MAD1L1: variants seen among roughly 807,000 people sequenced by gnomAD.
MAD1L1 encodes the protein mitotic spindle assembly checkpoint protein MAD1.
MAD1L1 carries 95 observed loss-of-function variants against 96.9 expected under a neutral mutation model. That is an observed-to-expected ratio of 0.98 (90% CI 0.83 to 1.16). MAD1L1 has a LOEUF of 1.16. MAD1L1 is among the 50% of genes most tolerant of loss of function. The pLI, the probability that MAD1L1 is intolerant of heterozygous loss-of-function variation, is 0.00. For missense variants in MAD1L1, 1,007 were observed against 954.4 expected (o/e 1.06, Z -0.73); for synonymous variants, 473 against 396.6 (o/e 1.19, Z -2.29).
intron 12 of MAD1L1, among the ~76,000 whole-genome samples, chr7:2,024,244 A>G (rs994899974): frequency 1.4e-4 from 22 of 152,226 alleles, no homozygotes; most frequent in Non-Finnish European, 2.9e-4. Context: ...CAGAAATTTG[A>G]TAACTTAGAT....
At chr7:2,054,369 A>C (rs1310379012) in intron 12 of MAD1L1, among the ~76,000 whole-genome samples, 1 of 152,204 alleles carries the variant, frequency 6.6e-6, no homozygotes, top group East Asian at 1.9e-4. Context: ...CCCAACCTTC[A>C]TCATCTTCAC....
intron 16 of MAD1L1, among the ~76,000 whole-genome samples, chr7:1,954,248 G>A (rs376148636): frequency 2.4e-4 from 36 of 152,088 alleles, no homozygotes; most frequent in African/African-American, 8.0e-4. Context: ...AGCCATCACC[G>A]GAGATCTCCA....
At chr7:1,859,173 G>A (rs528488223) in intron 18 of MAD1L1, among the ~76,000 whole-genome samples, 14 of 152,284 alleles carry the variant, frequency 9.2e-5, no homozygotes, top group Non-Finnish European at 2.9e-5. Context: ...GGGAGATGGC[G>A]CCGGGCTTCC....
intron 11 of MAD1L1, among the ~76,000 whole-genome samples, chr7:2,094,427 A>G (rs1170897427): frequency 6.6e-6 from 1 of 152,214 alleles, no homozygotes; most frequent in African/African-American, 2.4e-5. Context: ...AAGTGACAAG[A>G]CGGATGAGAA....
chr7:1,934,165 G>A (rs1301606712), intron 17 of MAD1L1, among the ~76,000 whole-genome samples: 1 of 152,180 alleles, frequency 6.6e-6, no homozygotes, highest in African/African-American at 2.4e-5. Flanking sequence ...GGCGCCATGT[G>A]GCGCGGCCCC....
chr7:2,102,377 C>T (rs1435466346), intron 11 of MAD1L1, among the ~76,000 whole-genome samples: 1 of 151,498 alleles, frequency 6.6e-6, no homozygotes, highest in African/African-American at 2.4e-5. Flanking sequence ...TCACCACCGT[C>T]ACCATCACCA....
intron 12 of MAD1L1, among the ~76,000 whole-genome samples, chr7:2,030,660 C>T (rs2128506150): frequency 6.6e-6 from 1 of 152,324 alleles, no homozygotes; most frequent in East Asian, 1.9e-4. Context: ...GCCGCCCCGG[C>T]AGAGGAAACT....
At chr7:1,999,890 C>T (rs1584036286) in intron 14 of MAD1L1, among the ~76,000 whole-genome samples, 1 of 152,292 alleles carries the variant, frequency 6.6e-6, no homozygotes, top group East Asian at 1.9e-4. Context: ...ACACTTCCTT[C>T]TCCAGGGCTC....
chr7:2,019,356 G>A (rs1017753148), intron 12 of MAD1L1, among the ~76,000 whole-genome samples: 2 of 152,226 alleles, frequency 1.3e-5, no homozygotes, highest in African/African-American at 2.4e-5. Context: ...GGGGCCCATC[G>A]AGAACATGAT....
At chr7:2,132,100 C>A (rs1788537291) in intron 11 of MAD1L1, among the ~76,000 whole-genome samples, 1 of 152,204 alleles carries the variant, frequency 6.6e-6, no homozygotes, top group Admixed American at 6.5e-5. Context: ...TCAATCTGAC[C>A]CCTGGGACAG....
chr7:2,011,026 G>C (rs1782275274), intron 13 of MAD1L1, among the ~76,000 whole-genome samples: 1 of 152,098 alleles, frequency 6.6e-6, no homozygotes, highest in Non-Finnish European at 1.5e-5. Flanking sequence ...AGAAAGAAAA[G>C]AAAAACCGGG....
intron 12 of MAD1L1, among the ~76,000 whole-genome samples, chr7:2,053,375 C>T (rs559501582): frequency 6.6e-6 from 1 of 152,344 alleles, no homozygotes; most frequent in East Asian, 1.9e-4. Context: ...GCCTCAGCAC[C>T]TCCTGTAGGT....
chr7:2,065,805 G>C (rs1784853508), intron 12 of MAD1L1, among the ~76,000 whole-genome samples: 1 of 152,214 alleles, frequency 6.6e-6, no homozygotes, highest in Non-Finnish European at 1.5e-5. Context: ...CTGTGAGACA[G>C]GGCGGGAGGG....
rs542898585 is a variant in MAD1L1, at chr7:2,110,240, G to A, written c.1073+38912C>T. Among the ~76,000 whole-genome samples, 5 of 152,280 alleles carry A rather than the reference G, an allele frequency of 3.3e-5. No individual in the cohort carries two copies. In the East Asian group the frequency reaches 5.8e-4, roughly 18 times the overall value. On this transcript the variant is annotated intron_variant, in intron 11 of 18. Coordinates refer to ENST00000265854, the MANE Select transcript of MAD1L1 (RefSeq NM_001013836.2). ...ACACAGATGTCCAGATGGCAGCACC[G>A]CAAAGATTCTTGAAGCCTCCTTCTG...
chr7:1,867,835 G>A (rs972933142), intron 18 of MAD1L1, among the ~76,000 whole-genome samples: 2 of 152,352 alleles, frequency 1.3e-5, no homozygotes, highest in Middle Eastern at 3.4e-3. Flanking sequence ...TGGAGCTGAA[G>A]TTGTTCCAAC....
chr7:2,058,749 G>A (rs1284960741), intron 12 of MAD1L1, among the ~76,000 whole-genome samples: 1 of 122,166 alleles, frequency 8.2e-6, no homozygotes, highest in East Asian at 2.8e-4. Flanking sequence ...TGTGGCTAGA[G>A]GAGAGAAGCA....
chr7:1,823,104 T>C (rs949502048), intron 18 of MAD1L1, among the ~76,000 whole-genome samples: 4 of 152,064 alleles, frequency 2.6e-5, no homozygotes, highest in Admixed American at 2.6e-4. Context: ...CATATGACCC[T>C]ATTAATCGAT....
intron 10 of MAD1L1, among the ~76,000 whole-genome samples, chr7:2,179,813 T>C (rs754873281): frequency 2.0e-5 from 3 of 151,314 alleles, no homozygotes; most frequent in Non-Finnish European, 4.4e-5. Flanking sequence ...CTACTAAAAA[T>C]ACAAAAAATT....
chr7:1,818,926 C>T (rs934029177), intron 18 of MAD1L1, among the ~76,000 whole-genome samples: 33 of 152,066 alleles, frequency 2.2e-4, no homozygotes, highest in Non-Finnish European at 3.4e-4. Context: ...AAACCCCACA[C>T]GAAGGCAGAC....
Sources: gnomAD v4.1 joint callset for allele counts (sites outside exome capture counted in the v4.1 genomes callset) on GRCh38, gnomAD v4.1.1 for gene constraint, MANE v1.5 for transcripts, NCBI Gene and HGNC (gene_info 2026-07-23, HGNC 2026-07-21) for gene names.